Variants in BSPRY observed in about 807,000 individuals in gnomAD.
BSPRY encodes the protein B box and SPRY domain-containing protein.
BSPRY carries 33 observed loss-of-function variants against 38.0 expected under a neutral mutation model. The ratio of observed to expected loss-of-function variants is 0.87; its 90% CI spans 0.66 to 1.16. The LOEUF (loss-of-function observed/expected upper bound fraction) is 1.16. Ranked by LOEUF, BSPRY falls within the 50% of genes most tolerant of loss-of-function variation. The probability of loss-of-function intolerance (pLI) is 0.00; values close to 1 mark genes in which losing one functional copy is unlikely to be tolerated. For synonymous variants in BSPRY, 224 were observed against 228.5 expected, an observed-to-expected ratio of 0.98 and a Z score of 0.18; for missense variants, 523 against 533.2, an observed-to-expected ratio of 0.98 and a Z score of 0.19.
chr9:113,359,292 C>A (rs761245591), intron 2 of BSPRY, among the ~76,000 whole-genome samples: 4 of 152,184 alleles, frequency 2.6e-5, no homozygotes, highest in African/African-American at 4.8e-5. Flanking sequence ...TACACACTAC[C>A]TCTAAAGCTT....
At chr9:113,365,808 T>G (rs1271406330) in intron 4 of BSPRY, among the ~76,000 whole-genome samples, 2 of 146,856 alleles carry the variant, frequency 1.4e-5, no homozygotes, top group Non-Finnish European at 3.0e-5. Flanking sequence ...GCTTCTTTTT[T>G]TTTTTTTTTT....
intron 2 of BSPRY, among the ~76,000 whole-genome samples, chr9:113,355,814 C>T (rs1834048818): frequency 1.3e-5 from 2 of 152,144 alleles, no homozygotes; most frequent in Non-Finnish European, 2.9e-5. Context: ...TGGAGTTTCA[C>T]CATGTTGGCC....
At chr9:113,359,349 C>G (rs1834113953) in intron 2 of BSPRY, among the ~76,000 whole-genome samples, 1 of 152,210 alleles carries the variant, frequency 6.6e-6, no homozygotes, top group South Asian at 2.1e-4. Context: ...ACACTATAAA[C>G]TTGGAGTCTT....
Position 113,369,969 on chromosome 9 carries a change from G to C in BSPRY, c.1036G>C (p.Gly346Arg). Residue 346 changes from glycine to arginine, a missense_variant, in exon 6 of 6, where the codon GGG (glycine) becomes CGG (arginine). Coordinates refer to ENST00000374183, the MANE Select transcript of BSPRY (RefSeq NM_017688.3). ...FSHNGQHEPL[G>R]LLRGPAQLGV... The stretch of plus-strand genomic sequence containing the variant: ...ACACAATGGGCAGCACGAGCCCCTG[G>C]GGCTGCTGCGGGGCCCAGCCCAGCT... The C allele has an allele frequency of 6.2e-7, 1 of 1,614,118 alleles. No homozygotes were observed. The highest frequency in any genetic ancestry group is 8.5e-7 in the Non-Finnish European group (1 of 1,180,028).
intron 1 of BSPRY, among the ~76,000 whole-genome samples, chr9:113,352,551 A>G (rs767812711): frequency 2.6e-5 from 4 of 152,160 alleles, no homozygotes; most frequent in Non-Finnish European, 4.4e-5. Context: ...AAGTCAGGAC[A>G]AGTTTGGTAC....
At position 113,360,722 on chromosome 9, in the gene BSPRY, TGAC is replaced by T. The variant is rs1564339787; in HGVS notation, c.517_519del (p.Asp173del). ...TGGTGGGCATGCTTACTCACCTGGA[TGAC>T]CTCCAGCTGATTGTAAGTCAGGCAA... On this transcript the variant is annotated inframe_deletion, in exon 3 of 6. Transcript: ENST00000374183. 4.4e-6 allele frequency: 7 copies of T among 1,591,308 alleles called. No individual in the cohort carries two copies. Among genetic ancestry groups the T allele is most frequent in the Non-Finnish European group, 6.0e-6 (7 of 1,169,760 alleles).
intron 1 of BSPRY, among the ~76,000 whole-genome samples, chr9:113,353,529 C>G (rs1482721885): frequency 1.3e-5 from 2 of 149,546 alleles, no homozygotes; most frequent in Non-Finnish European, 2.9e-5. Context: ...ATGGTGAAAC[C>G]CTGTCTCTAC....
chr9:113,366,778 A>C (rs917701764), intron 4 of BSPRY, among the ~76,000 whole-genome samples: 1 of 152,248 alleles, frequency 6.6e-6, no homozygotes, highest in Admixed American at 6.5e-5. Flanking sequence ...CTTTGTTACT[A>C]GAGCTTGCTC....
Position 113,360,583 on chromosome 9 carries a change from A to G in BSPRY, c.377A>G (p.Gln126Arg), listed in dbSNP as rs1834134752. The G allele has an allele frequency of 6.2e-7, 1 of 1,608,920 alleles. No individual in the cohort carries two copies. Among genetic ancestry groups the G allele is most frequent in the Non-Finnish European group, 8.5e-7 (1 of 1,178,920 alleles). The change falls in exon 3 of 6, where the codon CAG (glutamine) becomes CGG (arginine). Residue 126 changes from glutamine to arginine, a missense_variant. Coordinates refer to ENST00000374183, the MANE Select transcript of BSPRY (RefSeq NM_017688.3). ...AGGAGTCTTTGCGAGAGCGAGGAGC[A>G]GCGGTTACTGGAACAGGTGCATGGC... The part of the protein sequence containing the change: ...LVRSLCESEE[Q>R]RLLEQVHGEE...
rs1834337436 is a variant in BSPRY, at chr9:113,370,779, T to C, written c.*637T>C. 2 of 152,262 alleles carry C rather than the reference T, an allele frequency of 1.3e-5. No homozygotes were observed. Among genetic ancestry groups the C allele is most frequent in the African/African-American group, 4.8e-5 (2 of 41,474 alleles). 9.4% of individuals were successfully genotyped at this position (152,262 alleles called of 1,614,324 possible). A position where few individuals can be genotyped will look rare whatever the true frequency, so the allele number is the denominator to read the frequency against. ...TGCTCCAGCTGTTCACATGCAGAAA[T>C]GCTCTCTTCACAGGCAGAGAAGCCT... On this transcript the variant is annotated 3_prime_UTR_variant, in exon 6 of 6. Coordinates refer to ENST00000374183, the MANE Select transcript of BSPRY (RefSeq NM_017688.3). This position sits in a 1 kb window ranked among gnomAD's most constrained non-coding sequence, Gnocchi z 4.8.
At chr9:113,364,438 A>G (rs948317603) in intron 4 of BSPRY, among the ~76,000 whole-genome samples, 4 of 151,932 alleles carry the variant, frequency 2.6e-5, no homozygotes, top group Non-Finnish European at 5.9e-5. Context: ...TATCTCCTTT[A>G]TCTTTGTCAT....
At chr9:113,362,306 CTT>C in intron 3 of BSPRY, 61 bp from the exon 4 acceptor site, 9 of 1,587,010 alleles carry the variant, frequency 5.7e-6, no homozygotes, top group Non-Finnish European at 6.9e-6. Context: ...TTAAATCTGT[CTT>C]AGCATTGACT....
Position 113,366,877 on chromosome 9 carries a change from C to T in BSPRY, c.558-1382C>T, listed in dbSNP as rs575578207. On this transcript the variant is annotated intron_variant, in intron 4 of 5. Transcript: ENST00000374183. ...AGAGCCATCAGGGCACATGCCCCAC[C>T]CCTGTGCCCACTCCATTTATGCACA... is the stretch of plus-strand genomic sequence containing the variant. Among the ~76,000 whole-genome samples the T allele has an allele frequency of 5.6e-4, 85 of 152,344 alleles. 1 individual carries two copies. Among genetic ancestry groups the T allele is most frequent in the African/African-American group, 2.0e-3 (82 of 41,592 alleles).
intron 4 of BSPRY, among the ~76,000 whole-genome samples, chr9:113,364,947 GT>G (rs144272713): frequency 0.17 from 23,461 of 134,412 alleles, 2,504 homozygotes; most frequent in African/African-American, 0.33. Context: ...TCCTTAGCTT[GT>G]TTTTTTTTTT....
chr9:113,361,779 A>G (rs1005925339), intron 3 of BSPRY, among the ~76,000 whole-genome samples: 9 of 152,176 alleles, frequency 5.9e-5, no homozygotes, highest in Admixed American at 1.3e-4. Flanking sequence ...AATCACCATG[A>G]TTCATATTTG....
At position 113,370,065 on chromosome 9, in the gene BSPRY, G is replaced by C; in HGVS notation, c.1132G>C (p.Ala378Pro). 6.2e-7 allele frequency: 1 copy of C among 1,613,640 alleles called. No homozygotes were observed. Among genetic ancestry groups the C allele is most frequent in the African/African-American group, 1.3e-5 (1 of 75,046 alleles). The change falls in exon 6 of 6, where the codon GCC becomes CCC. Residue 378 changes from alanine (A) to proline (P), a missense_variant. By Grantham distance (27) the Ala-to-Pro change is conservative. Transcript: ENST00000374183. The surrounding 1 kb of genome is among the most constrained non-coding windows in gnomAD (Gnocchi z 4.8). ...GCCAGCCTCCGGCACAGTGCTCTGT[G>C]CCCATCATGTGTCCTTCCCGGGGCC... The part of the protein sequence containing the change: ...YEPASGTVLC[A>P]HHVSFPGPLF...
At chr9:113,349,920 C>A in intron 1 of BSPRY, 140 bp downstream of exon 1, 1 of 1,126,418 alleles carries the variant, frequency 8.9e-7, no homozygotes, top group South Asian at 4.6e-5. Flanking sequence ...GTGGCTTTGG[C>A]TGTAGGACTA....
chr9:113,351,618 GGAA>G (rs1317636407), intron 1 of BSPRY, among the ~76,000 whole-genome samples: 23 of 152,268 alleles, frequency 1.5e-4, no homozygotes, highest in African/African-American at 4.3e-4. Context: ...TTTGGCAGAT[GGAA>G]CTGAGGCAGA....
intron 1 of BSPRY, among the ~76,000 whole-genome samples, chr9:113,351,719 C>T (rs2118901892): frequency 6.6e-6 from 1 of 152,254 alleles, no homozygotes; most frequent in South Asian, 2.1e-4. Flanking sequence ...AGGGCCCTGG[C>T]CCATACCTTC....
Sources: allele counts gnomAD v4.1 joint callset (sites outside exome capture counted in the v4.1 genomes callset), GRCh38; gene constraint gnomAD v4.1.1; non-coding constraint Gnocchi (gnomAD v3.1); transcripts MANE v1.5; gene names NCBI Gene and HGNC (gene_info 2026-07-23, HGNC 2026-07-21).